The following SLC38A8 variants were observed in gnomAD, a reference collection of about 807,000 sequenced individuals.
The protein encoded by SLC38A8 is amino acid transporter SLC38A8.
SLC38A8 carries 65 observed loss-of-function variants against 46.0 expected under a neutral mutation model. The ratio of observed to expected loss-of-function variants is 1.41; its 90% CI spans 1.16 to 1.74. SLC38A8 has a LOEUF of 1.74. SLC38A8 is among the 40% of genes most tolerant of loss of function. SLC38A8 has a pLI of 0.00. For synonymous variants in SLC38A8, 447 were observed against 243.7 expected (o/e 1.83, Z -7.77); for missense variants, 998 against 567.9 (o/e 1.76, Z -7.70).
rs1424477090 is a variant in SLC38A8 at position 84,013,045 on chromosome 16, G to C, written c.1170C>G (p.Cys390Trp). The change falls in exon 10 of 11, where the codon TGC becomes TGG. Residue 390 changes from cysteine (C) to tryptophan (W), a missense_variant. Coordinates refer to ENST00000299709, the MANE Select transcript of SLC38A8 (RefSeq NM_001080442.3). ...SFFIFIFPGL[C>W]LICAMGVEPI... The stretch of plus-strand genomic sequence containing the variant: ...GCTCGACACCCATTGCACAGATGAG[G>C]CACAAACCTGCAAAAAAGACAGGGT... 1.2e-6 allele frequency: 2 copies of C among 1,613,970 alleles called. No homozygotes were observed. Among genetic ancestry groups the C allele is most frequent in the Admixed American group, 1.7e-5 (1 of 59,992 alleles).
chr16:84,009,735 G>A lies in SLC38A8; in HGVS notation c.*49C>T, dbSNP rs775758898. On this transcript the variant is annotated 3_prime_UTR_variant, in exon 11 of 11. Transcript: ENST00000299709. ...TCTCCTGGCTGCATACAGCAGCCAC[G>A]TAGGGTCAGCCCCCGGAGGGCCCCT... The A allele has an allele frequency of 3.2e-5, 50 of 1,541,822 alleles. No individual in the cohort carries two copies. Among genetic ancestry groups the A allele is most frequent in the South Asian group, 6.9e-5 (6 of 86,800 alleles).
intron 3 of SLC38A8, among the ~76,000 whole-genome samples, chr16:84,035,752 C>A (rs879736094): frequency 6.6e-6 from 1 of 152,220 alleles, no homozygotes; most frequent in African/African-American, 2.4e-5. Flanking sequence ...AAGAATACTT[C>A]ATAATAAAAG....
chr16:84,030,110 G>A (rs12919122), intron 5 of SLC38A8, among the ~76,000 whole-genome samples: 38,804 of 152,054 alleles, frequency 0.26, 5,622 homozygotes, highest in Non-Finnish European at 0.33. Context: ...AATGCCTGCT[G>A]CCCTTATTGG....
chr16:84,016,840 C>G, intron 8 of SLC38A8, 113 bp from the exon 9 acceptor site: 2 of 1,217,606 alleles, frequency 1.6e-6, no homozygotes, highest in Non-Finnish European at 2.3e-6. Flanking sequence ...TGCTCCTGTT[C>G]CACACTCAGG....
At chr16:84,037,328 G>A (rs537163154) in intron 2 of SLC38A8, among the ~76,000 whole-genome samples, 8 of 152,362 alleles carry the variant, frequency 5.3e-5, no homozygotes, top group Non-Finnish European at 7.3e-5. Flanking sequence ...CCTGCTGTGT[G>A]GCATGAAGCA....
At chr16:84,020,878 T>C (rs2151116904) in intron 7 of SLC38A8, among the ~76,000 whole-genome samples, 1 of 152,322 alleles carries the variant, frequency 6.6e-6, no homozygotes, top group Admixed American at 6.5e-5. Flanking sequence ...CGCTGCACTC[T>C]ATACGGCCAG....
At chr16:84,024,965 G>C (rs923206607) in intron 6 of SLC38A8, among the ~76,000 whole-genome samples, 3 of 152,044 alleles carry the variant, frequency 2.0e-5, no homozygotes, top group Admixed American at 6.6e-5. Context: ...ACAGGCGTGA[G>C]CCACCAAGCC....
chr16:84,017,686 A>T (rs564432461), intron 7 of SLC38A8, among the ~76,000 whole-genome samples: 1 of 152,308 alleles, frequency 6.6e-6, no homozygotes, highest in South Asian at 2.1e-4. Flanking sequence ...GAAAACCAAG[A>T]GCCAGGGCAT....
intron 2 of SLC38A8, among the ~76,000 whole-genome samples, chr16:84,040,750 G>A (rs1167907965): frequency 3.3e-5 from 5 of 152,016 alleles, no homozygotes; most frequent in African/African-American, 4.8e-5. Flanking sequence ...TTCCGACCAC[G>A]CCATGTCATA....
intron 2 of SLC38A8, among the ~76,000 whole-genome samples, chr16:84,038,439 T>C (rs112007806): frequency 0.045 from 6,810 of 152,234 alleles, 286 homozygotes; most frequent in African/African-American, 0.11. Context: ...CTTCCACCCA[T>C]GCCTCTGTGA....
At chr16:84,038,177 G>C (rs571562774) in intron 2 of SLC38A8, among the ~76,000 whole-genome samples, 1 of 152,118 alleles carries the variant, frequency 6.6e-6, no homozygotes, top group South Asian at 2.1e-4. Flanking sequence ...CAGGCATGGT[G>C]GCACATGCCT....
rs553781836 is a variant in SLC38A8, at chr16:84,033,198, T to C, written c.530+130A>G. 6.1e-5 allele frequency: 76 copies of C among 1,245,572 alleles called. No individual in the cohort carries two copies. The East Asian group carries it at 1.5e-3, about 25-fold the overall frequency. The allele number at this position is 1,245,572 out of a possible 1,614,324, so 77.2% of individuals were successfully genotyped here. A position where few individuals can be genotyped will look rare whatever the true frequency, so the allele number is the denominator to read the frequency against. Reference sequence around the variant, plus strand: ...TGCATACATTTTACTTGTATAATTTTTTTTTCGTTTTCCCCTTCTCCAAAT... The same window carrying C: ...TGCATACATTTTACTTGTATAATTTCTTTTTCGTTTTCCCCTTCTCCAAAT... On this transcript the variant is annotated intron_variant, in intron 4 of 10. Transcript: ENST00000299709.
Position 84,042,040 on chromosome 16 carries a change from C to A in SLC38A8, c.118G>T (p.Ala40Ser). The A allele has an allele frequency of 6.2e-7, 1 of 1,613,974 alleles. No homozygotes were observed. Among genetic ancestry groups the A allele is most frequent in the South Asian group, 1.1e-5 (1 of 91,078 alleles). Reference sequence around the variant, plus strand: ...GCCCAGGGGAAGTTGAGCAGGCCAGCTCCCAGCGCGGACTTCATGAGGATG... The same window carrying A: ...GCCCAGGGGAAGTTGAGCAGGCCAGATCCCAGCGCGGACTTCATGAGGATG... ...VFILMKSALG[A>S]GLLNFPWAFS... Residue 40 changes from alanine to serine, a missense_variant, in exon 2 of 11, where the codon GCT becomes TCT. Ala to Ser is a moderately conservative substitution (Grantham distance 99). Transcript: ENST00000299709.
intron 10 of SLC38A8, among the ~76,000 whole-genome samples, chr16:84,010,422 T>C (rs992678638): frequency 2.0e-5 from 3 of 152,006 alleles, no homozygotes; most frequent in African/African-American, 7.2e-5. Context: ...CATAAGCTCA[T>C]TCCTCCCCAG....
At chr16:84,035,350 A>G (rs560079851) in intron 3 of SLC38A8, among the ~76,000 whole-genome samples, 1 of 152,266 alleles carries the variant, frequency 6.6e-6, no homozygotes, top group East Asian at 1.9e-4. Flanking sequence ...TTCAATCTCA[A>G]TACCCCCCAG....
rs971010246 is a variant in SLC38A8 at position 84,041,906 on chromosome 16, C to G, written c.189+63G>C. On this transcript the variant is annotated intron_variant, in intron 2 of 10. Coordinates refer to ENST00000299709, the MANE Select transcript of SLC38A8 (RefSeq NM_001080442.3). Reference sequence around the variant, plus strand: ...ACTCCGCAGAAGCAATGCGAGGAACCCCACCCAGAAAAGCCAAAGCCACCT... The same window carrying G: ...ACTCCGCAGAAGCAATGCGAGGAACGCCACCCAGAAAAGCCAAAGCCACCT... The G allele has an allele frequency of 1.6e-5, 23 of 1,452,638 alleles. No individual in the cohort carries two copies. The East Asian group carries it at 5.3e-4, about 34-fold the overall frequency. The allele number at this position is 1,452,638 out of a possible 1,614,324, so 90.0% of individuals were successfully genotyped here.
chr16:84,017,978 A>T (rs907041845), intron 7 of SLC38A8, among the ~76,000 whole-genome samples: 1 of 152,174 alleles, frequency 6.6e-6, no homozygotes, highest in African/African-American at 2.4e-5. Flanking sequence ...CTGCTGGGGA[A>T]GGAGTCACCC....
chr16:84,018,045 A>T (rs1428489718), intron 7 of SLC38A8, among the ~76,000 whole-genome samples: 1 of 152,104 alleles, frequency 6.6e-6, no homozygotes, highest in Non-Finnish European at 1.5e-5. Context: ...CTTACAACAG[A>T]ATACCTGAAA....
chr16:84,037,832 G>A (rs138693233), intron 2 of SLC38A8, among the ~76,000 whole-genome samples: 3,054 of 102,196 alleles, frequency 0.03, 127 homozygotes, highest in African/African-American at 0.11. Context: ...TTTTGGAGAC[G>A]GAGTCTAGCT....
Sources: gnomAD v4.1 joint callset for allele counts (sites outside exome capture counted in the v4.1 genomes callset) on GRCh38, gnomAD v4.1.1 for gene constraint, MANE v1.5 for transcripts, NCBI Gene and HGNC (gene_info 2026-07-23, HGNC 2026-07-21) for gene names.